Variants in BIN3 observed in about 807,000 individuals in gnomAD.
BIN3 encodes bridging integrator 3.
In BIN3, 41 loss-of-function variants were observed where a neutral mutation model predicts 38.2. That is an observed-to-expected ratio of 1.07 (90% CI 0.84 to 1.39). The LOEUF (loss-of-function observed/expected upper bound fraction) is 1.39. BIN3 is among the 40% of genes most tolerant of loss of function. The pLI is 0.00. For synonymous variants in BIN3, 145 were observed against 122.6 expected (o/e 1.18, Z -1.21); for missense variants, 361 against 324.3 (o/e 1.11, Z -0.87).
chr8:22,623,620 T>C (rs1357459297), intron 8 of BIN3, among the ~76,000 whole-genome samples: 2 of 152,210 alleles, frequency 1.3e-5, no homozygotes, highest in African/African-American at 4.8e-5. Context: ...GCAGAGGAGC[T>C]ACTTATAGTG....
intron 8 of BIN3, among the ~76,000 whole-genome samples, chr8:22,622,999 T>C (rs1263224211): frequency 6.6e-6 from 1 of 152,138 alleles, no homozygotes; most frequent in Non-Finnish European, 1.5e-5. Context: ...GGGTGTGCAC[T>C]GGCCAGGCTT....
intron 1 of BIN3, among the ~76,000 whole-genome samples, chr8:22,651,911 C>A (rs565992508): frequency 2.7e-4 from 40 of 149,914 alleles, no homozygotes; most frequent in African/African-American, 9.3e-4. Context: ...CTGAAACTTA[C>A]AATTTCGATG....
In BIN3 at chr8:22,644,795, A is replaced by T; in HGVS notation, c.17T>A (p.Phe6Tyr). The change falls in exon 2 of 9, where the codon TTT (phenylalanine) becomes TAT (tyrosine). Residue 6 changes from phenylalanine to tyrosine, a missense_variant. By Grantham distance (22) the Phe-to-Tyr change is conservative. Transcript: ENST00000276416. ...CTGTTTCTTGGGCTGCCCAATCTTAAAAGGAATCCTATAAGAGAAAGAGAC... is the reference window on the plus strand; with the variant it reads ...CTGTTTCTTGGGCTGCCCAATCTTATAAGGAATCCTATAAGAGAAAGAGAC... MSWIP[F>Y]KIGQPKKQIV... 1 of 1,610,622 alleles carries T rather than the reference A, an allele frequency of 6.2e-7. No homozygotes were observed. Among genetic ancestry groups the T allele is most frequent in the Non-Finnish European group, 8.5e-7 (1 of 1,178,176 alleles).
intron 1 of BIN3, among the ~76,000 whole-genome samples, chr8:22,661,352 CTTTTTTTTTTTTTT>C (rs751194383): frequency 5.9e-5 from 5 of 84,448 alleles, no homozygotes; most frequent in Non-Finnish European, 2.1e-5. Flanking sequence ...ATGTATCATT[CTTTTTTTTTTTTTT>C]TTTTTTTTTG....
intron 1 of BIN3, among the ~76,000 whole-genome samples, chr8:22,663,315 T>C (rs1487129101): frequency 6.6e-6 from 1 of 151,652 alleles, no homozygotes; most frequent in Non-Finnish European, 1.5e-5. Flanking sequence ...CTAACACTTA[T>C]AGTCCCAGCC....
intron 1 of BIN3, among the ~76,000 whole-genome samples, chr8:22,666,990 C>T (rs192974715): frequency 6.6e-6 from 1 of 152,310 alleles, no homozygotes; most frequent in African/African-American, 2.4e-5. Flanking sequence ...GGTCTCCTTG[C>T]CAGCCATTGA....
intron 2 of BIN3, among the ~76,000 whole-genome samples, chr8:22,644,157 A>G (rs970765717): frequency 1.3e-5 from 2 of 152,256 alleles, no homozygotes; most frequent in African/African-American, 4.8e-5. Flanking sequence ...ATGAGCTTCC[A>G]GCTCTAACTT....
chr8:22,665,025 G>A (rs1585208935), intron 1 of BIN3, among the ~76,000 whole-genome samples: 1 of 152,178 alleles, frequency 6.6e-6, no homozygotes, highest in Admixed American at 6.5e-5. Context: ...GCTCTATGTC[G>A]CTCCTGTTCT....
intron 1 of BIN3, among the ~76,000 whole-genome samples, chr8:22,662,603 G>T (rs772737349): frequency 8.5e-5 from 13 of 152,160 alleles, no homozygotes; most frequent in Non-Finnish European, 8.8e-5. Context: ...CCTATCTTCA[G>T]TTGCTGGAGT....
At chr8:22,652,964 C>G (rs1479841953) in intron 1 of BIN3, among the ~76,000 whole-genome samples, 1 of 152,282 alleles carries the variant, frequency 6.6e-6, no homozygotes, top group South Asian at 2.1e-4. Flanking sequence ...TTTTCTACTA[C>G]TGATGGTTTA....
At chr8:22,636,709 C>A in intron 3 of BIN3, 123 bp from the exon 4 acceptor site, 1 of 1,141,978 alleles carries the variant, frequency 8.8e-7, no homozygotes. Context: ...GGGACTTTTC[C>A]CGCTGACTGA....
At chr8:22,634,403 C>G (rs536223123) in intron 4 of BIN3, 1 of 443,916 alleles carries the variant, frequency 2.3e-6, no homozygotes, top group Non-Finnish European at 4.5e-6. Context: ...CACAGGCAGT[C>G]AGCGCTCACC....
chr8:22,668,592 G>A lies in BIN3; in HGVS notation c.8+452C>T, dbSNP rs187746096. Among the ~76,000 whole-genome samples, 252 of 152,334 alleles carry A rather than the reference G, an allele frequency of 1.7e-3. 1 individual carries two copies. The highest frequency in any genetic ancestry group is 3.0e-3 in the Non-Finnish European group (207 of 68,038). The stretch of plus-strand genomic sequence containing the variant: ...GAAGCCTGCTAAGTCGTGCAAAGAG[G>A]ATAGTTACCCAGAAGGGAGTGGGTT... On this transcript the variant is annotated intron_variant, in intron 1 of 8. Coordinates refer to ENST00000276416, the MANE Select transcript of BIN3 (RefSeq NM_018688.6).
intron 1 of BIN3, among the ~76,000 whole-genome samples, chr8:22,655,090 T>C (rs906494147): frequency 2.0e-5 from 3 of 152,228 alleles, no homozygotes; most frequent in Non-Finnish European, 2.9e-5. Flanking sequence ...TGTTCATTTG[T>C]ATATCTTTGG....
rs1421530941 is a variant in BIN3 at position 22,630,540 on chromosome 8, G to A, written c.199C>T (p.Leu67Phe). The change falls in exon 5 of 9, where the codon CTC becomes TTC. Residue 67 changes from leucine to phenylalanine, a missense_variant. Physicochemically the swap from Leu to Phe is conservative, Grantham distance 22. Transcript: ENST00000276416. ...TCTTGCTCACAGAGGGGATTGGAGA[G>A]TAAGTCCAAGGATATCTTCACGGCA... ...KSAVKISLDL[L>F]SNPLCEQDQD... 1 of 1,614,038 alleles carries A rather than the reference G, an allele frequency of 6.2e-7. No homozygotes were observed. The highest frequency in any genetic ancestry group is 1.1e-5 in the South Asian group (1 of 91,090).
At chr8:22,650,323 A>G (rs142730231) in intron 1 of BIN3, among the ~76,000 whole-genome samples, 5 of 152,362 alleles carry the variant, frequency 3.3e-5, no homozygotes, top group Non-Finnish European at 4.4e-5. Flanking sequence ...TTTGGTTTGT[A>G]TATCAGGATT....
In BIN3 at chr8:22,647,954, G is replaced by A. The variant is rs367825266; in HGVS notation, c.9-3151C>T. On this transcript the variant is annotated intron_variant, in intron 1 of 8. Coordinates refer to ENST00000276416, the MANE Select transcript of BIN3 (RefSeq NM_018688.6). ...ATCCTGGCTAACACGGTGAAACGCC[G>A]TCTCTACTATAAAAAATACAAAAAA... 1.1e-4 allele frequency among the ~76,000 whole-genome samples: 17 copies of A among 149,968 alleles called. No homozygotes were observed. The South Asian group carries it at 1.3e-3, about 11-fold the overall frequency.
At chr8:22,630,165 G>T (rs753644962) in intron 5 of BIN3, among the ~76,000 whole-genome samples, 161 bp from the exon 6 acceptor site, 47 of 152,220 alleles carry the variant, frequency 3.1e-4, no homozygotes, top group Non-Finnish European at 3.4e-4. Context: ...CGGGTGGCTG[G>T]CCACAGAAGC....
At chr8:22,626,178 C>A in intron 6 of BIN3, 1 of 152,348 alleles carries the variant, frequency 6.6e-6, no homozygotes, top group East Asian at 1.9e-4. Context: ...ATCAAACCAG[C>A]ATCTGACCGA....
Sources: allele counts gnomAD v4.1 joint callset (sites outside exome capture counted in the v4.1 genomes callset), GRCh38; gene constraint gnomAD v4.1.1; transcripts MANE v1.5; gene names NCBI Gene and HGNC (gene_info 2026-07-23, HGNC 2026-07-21).